RARB: variants seen among roughly 807,000 people sequenced by gnomAD.
The protein encoded by RARB is retinoic acid receptor beta.
In RARB, 17 loss-of-function variants were observed where a neutral mutation model predicts 51.9. The ratio of observed to expected loss-of-function variants is 0.33; its 90% CI spans 0.22 to 0.49. The LOEUF is 0.49. Ranked by LOEUF, RARB falls within the 20% of genes least tolerant of loss-of-function variation. The pLI is 0.99. For synonymous variants in RARB, 215 were observed against 195.4 expected (o/e 1.10, Z -0.84); for missense variants, 369 against 550.8 (o/e 0.67, Z 3.30).
intron 3 of RARB, among the ~76,000 whole-genome samples, chr3:25,096,636 G>A (rs561388499): frequency 1.1e-4 from 17 of 152,132 alleles, no homozygotes; most frequent in African/African-American, 3.9e-4. Flanking sequence ...CAATCAAAAC[G>A]CTGAGGAAGA....
chr3:25,499,700 G>C (rs58526455), intron 2 of RARB, among the ~76,000 whole-genome samples: 5,119 of 152,242 alleles, frequency 0.034, 277 homozygotes, highest in African/African-American at 0.11. Flanking sequence ...TTAACTCATT[G>C]ATGAAGGGAA....
intron 2 of RARB, among the ~76,000 whole-genome samples, chr3:24,895,538 A>G (rs1178191641): frequency 2.6e-5 from 4 of 151,176 alleles, no homozygotes; most frequent in Non-Finnish European, 5.9e-5. Flanking sequence ...GCACTCAGGG[A>G]ATTAATGCAA....
At chr3:25,045,541 C>T (rs1166436728) in intron 2 of RARB, among the ~76,000 whole-genome samples, 3 of 152,220 alleles carry the variant, frequency 2.0e-5, no homozygotes, top group Admixed American at 1.3e-4. Flanking sequence ...TTGTGTTCAA[C>T]TGTCAAAACG....
chr3:25,478,113 A>G (rs186934453), intron 2 of RARB, among the ~76,000 whole-genome samples: 4 of 152,314 alleles, frequency 2.6e-5, no homozygotes, highest in African/African-American at 4.8e-5. Context: ...CGAAGGTTGC[A>G]GAGGACAAGG....
rs1182570930 is a variant in RARB at position 25,106,462 on chromosome 3, T to TTG, written c.-327-25698_-327-25697insGT. ...AGCTACTGTTTTTTGTTTTTTGTTTTTTTTTGTTTTGTTTTTTTTTTGTAG... is the reference window on the plus strand; with the variant it reads ...AGCTACTGTTTTTTGTTTTTTGTTTTTGTTTTTGTTTTGTTTTTTTTTTGTAG... On this transcript the variant is annotated intron_variant, in intron 3 of 11. Transcript: ENST00000383772. Among the ~76,000 whole-genome samples, 772 of 126,230 alleles carry TTG rather than the reference T, an allele frequency of 6.1e-3. 28 individuals carry two copies. The highest frequency in any genetic ancestry group is 0.021 in the African/African-American group (677 of 32,224). The allele number at this position is 126,230 out of a possible 152,430, so 82.8% of individuals were successfully genotyped here.
chr3:25,112,480 A>G (rs1261881022), intron 3 of RARB, among the ~76,000 whole-genome samples: 1 of 152,154 alleles, frequency 6.6e-6, no homozygotes, highest in South Asian at 2.1e-4. Context: ...ATACTTCCTT[A>G]TAAAAGCTAA....
At chr3:24,996,699 C>T (rs1697047563) in intron 2 of RARB, among the ~76,000 whole-genome samples, 1 of 151,410 alleles carries the variant, frequency 6.6e-6, no homozygotes, top group African/African-American at 2.4e-5. Context: ...TGCATAATTT[C>T]TTCCTTTATC....
At chr3:25,504,475 C>G (rs1258186257) in intron 3 of RARB, among the ~76,000 whole-genome samples, 1 of 152,062 alleles carries the variant, frequency 6.6e-6, no homozygotes, top group East Asian at 1.9e-4. Flanking sequence ...TGTGATTAGC[C>G]AGGTCTGGAT....
intron 3 of RARB, among the ~76,000 whole-genome samples, chr3:25,526,314 A>G (rs1698645540): frequency 6.6e-6 from 1 of 152,212 alleles, no homozygotes; most frequent in African/African-American, 2.4e-5. Flanking sequence ...GTGTTCTTGT[A>G]GCCCACCTGA....
At chr3:25,458,214 G>A (rs888132607) in intron 1 of RARB, 3 of 152,210 alleles carry the variant, frequency 2.0e-5, no homozygotes, top group African/African-American at 7.2e-5. Flanking sequence ...ACAATGGAAT[G>A]TTTTCTGTGA....
chr3:25,508,942 G>A (rs1575472359), intron 3 of RARB, among the ~76,000 whole-genome samples: 1 of 151,684 alleles, frequency 6.6e-6, no homozygotes, highest in South Asian at 2.1e-4. Context: ...GGTGATGTCA[G>A]TGCCACTGTG....
At chr3:25,099,293 T>A (rs1379115807) in intron 3 of RARB, among the ~76,000 whole-genome samples, 1 of 152,148 alleles carries the variant, frequency 6.6e-6, no homozygotes, top group Non-Finnish European at 1.5e-5. Context: ...CATCCTTGTT[T>A]CAGAGGAGAC....
At chr3:25,518,004 G>C (rs777442601) in intron 3 of RARB, among the ~76,000 whole-genome samples, 40 of 152,126 alleles carry the variant, frequency 2.6e-4, no homozygotes, top group Non-Finnish European at 5.1e-4. Flanking sequence ...GTGGTGAATG[G>C]GGAGGGCTGC....
chr3:25,075,768 C>T (rs987725675), intron 3 of RARB, among the ~76,000 whole-genome samples: 9 of 151,816 alleles, frequency 5.9e-5, no homozygotes, highest in Non-Finnish European at 1.0e-4. Flanking sequence ...TTTGGAGTTA[C>T]TTGGCAGAGA....
At chr3:24,979,626 A>G (rs7618785) in intron 2 of RARB, among the ~76,000 whole-genome samples, 106,148 of 151,412 alleles carry the variant, frequency 0.7, 37,428 homozygotes, top group East Asian at 0.84. Flanking sequence ...CATTTGCTTG[A>G]TAGATCTTCC....
At chr3:25,114,842 A>G (rs138125343) in intron 3 of RARB, among the ~76,000 whole-genome samples, 191 of 152,298 alleles carry the variant, frequency 1.3e-3, no homozygotes, top group African/African-American at 4.3e-3. Context: ...TTACTGCACT[A>G]TCATTGCTCT....
chr3:25,058,438 T>C (rs555727255), intron 2 of RARB, among the ~76,000 whole-genome samples: 1 of 151,904 alleles, frequency 6.6e-6, no homozygotes, highest in Admixed American at 6.6e-5. Flanking sequence ...CACAGTTCTG[T>C]CCTTTTATCT....
intron 2 of RARB, among the ~76,000 whole-genome samples, chr3:24,915,096 A>G (rs1247712785): frequency 1.5e-4 from 23 of 152,234 alleles, no homozygotes; most frequent in Admixed American, 1.5e-3. Context: ...ACCACTCTTT[A>G]TAAGAGGTGT....
intron 5 of RARB, among the ~76,000 whole-genome samples, chr3:25,238,893 C>G (rs1013968784): frequency 2.0e-5 from 3 of 152,212 alleles, no homozygotes; most frequent in Admixed American, 6.5e-5. Flanking sequence ...GCAGAAGAAT[C>G]TCTTGAACCC....
Sources: gnomAD v4.1 joint callset for allele counts (sites outside exome capture counted in the v4.1 genomes callset) on GRCh38, gnomAD v4.1.1 for gene constraint, MANE v1.5 for transcripts, NCBI Gene and HGNC (gene_info 2026-07-23, HGNC 2026-07-21) for gene names.